The following EFR3B variants were observed in gnomAD, a reference collection of about 807,000 sequenced individuals.
The protein encoded by EFR3B is protein EFR3 homolog B.
A neutral mutation model predicts 104.7 loss-of-function variants in EFR3B; 64 were observed. The ratio of observed to expected loss-of-function variants is 0.61; its 90% CI spans 0.50 to 0.75. EFR3B has a LOEUF of 0.75. EFR3B is among the 30% of genes least tolerant of loss of function. EFR3B has a pLI of 0.00. For synonymous variants in EFR3B, 385 were observed against 417.9 expected (o/e 0.92, Z 0.96); for missense variants, 750 against 1,078.5 (o/e 0.70, Z 4.27).
Position 25,131,559 on chromosome 2 carries a change from T to C in EFR3B, c.985+56T>C. On this transcript the variant is annotated intron_variant, in intron 9 of 22. Transcript: ENST00000403714. The surrounding 1 kb of genome is among the most constrained non-coding windows in gnomAD (Gnocchi z 7.6). ...GGGACCCCGCGGAGGCTGCCGCCTC[T>C]TACAGAGAGAGGCAAGGGACAACAG... The C allele has an allele frequency of 6.5e-7, 1 of 1,541,528 alleles. No homozygotes were observed. The highest frequency in any genetic ancestry group is 1.2e-5 in the South Asian group (1 of 83,652).
intron 12 of EFR3B, among the ~76,000 whole-genome samples, chr2:25,134,657 C>T (rs952916214): frequency 1.3e-5 from 2 of 152,130 alleles, no homozygotes; most frequent in South Asian, 4.1e-4. Flanking sequence ...CCCTCCCCTC[C>T]AGTCCACACT....
Position 25,131,215 on chromosome 2 carries a change from G to A in EFR3B, c.850-153G>A, listed in dbSNP as rs1489902546. On this transcript the variant is annotated intron_variant, in intron 8 of 22. Transcript: ENST00000403714. This position sits in a 1 kb window ranked among gnomAD's most constrained non-coding sequence, Gnocchi z 7.6. Reference sequence around the variant, plus strand: ...GTTGGAGGGAGAAGGGAAGGATCCAGTAAAGGGCACGAGGTGTCAGTGCCA... The same window carrying A: ...GTTGGAGGGAGAAGGGAAGGATCCAATAAAGGGCACGAGGTGTCAGTGCCA... Among the ~76,000 whole-genome samples, 1 of 152,246 alleles carries A rather than the reference G, an allele frequency of 6.6e-6. No individual in the cohort carries two copies. The highest frequency in any genetic ancestry group is 1.5e-5 in the Non-Finnish European group (1 of 68,042).
Position 25,157,869 on chromosome 2 carries a change from A to C in EFR3B, c.*3529A>C, listed in dbSNP as rs1476319703. The C allele has an allele frequency of 6.6e-6, 1 of 152,328 alleles. No individual in the cohort carries two copies. The highest frequency in any genetic ancestry group is 1.5e-5 in the Non-Finnish European group (1 of 68,164). 9.4% of individuals were successfully genotyped at this position (152,328 alleles called of 1,614,324 possible). On this transcript the variant is annotated 3_prime_UTR_variant, in exon 23 of 23. Transcript: ENST00000403714. The stretch of plus-strand genomic sequence containing the variant: ...GCCTCCTCACTATAGAAGGAGCCTG[A>C]GCAGGTCAGAAGAACTAGAAAAGTC...
At chr2:25,053,968 A>G (rs2149165416) in intron 1 of EFR3B, among the ~76,000 whole-genome samples, 1 of 152,286 alleles carries the variant, frequency 6.6e-6, no homozygotes, top group African/African-American at 2.4e-5. Flanking sequence ...CTTCAGGTCT[A>G]AGCAGCAATT....
chr2:25,123,388 G>T (rs1199737884), intron 5 of EFR3B, among the ~76,000 whole-genome samples: 2 of 151,432 alleles, frequency 1.3e-5, no homozygotes, highest in African/African-American at 2.4e-5. Context: ...TAATCACAAA[G>T]AAATTAAAAT....
At chr2:25,061,350 T>C (rs1018740288) in intron 1 of EFR3B, among the ~76,000 whole-genome samples, 4 of 151,854 alleles carry the variant, frequency 2.6e-5, no homozygotes, top group African/African-American at 9.7e-5. Context: ...TGAGCTCAAG[T>C]GATCCCCCTG....
intron 1 of EFR3B, among the ~76,000 whole-genome samples, chr2:25,054,558 T>G (rs995535665): frequency 6.6e-6 from 1 of 152,152 alleles, no homozygotes; most frequent in Non-Finnish European, 1.5e-5. Flanking sequence ...TCTCAGGTGA[T>G]CCGCCTGCCA....
intron 12 of EFR3B, among the ~76,000 whole-genome samples, chr2:25,134,921 T>C (rs1389617351): frequency 1.3e-5 from 2 of 152,256 alleles, no homozygotes; most frequent in East Asian, 3.8e-4. Context: ...ACAGCATGTA[T>C]GGCATATCTA....
chr2:25,115,711 T>C (rs1376116697), intron 4 of EFR3B, among the ~76,000 whole-genome samples: 2 of 152,190 alleles, frequency 1.3e-5, no homozygotes, highest in East Asian at 1.9e-4. Context: ...TTATTAGAGA[T>C]AAGCAGAGGG....
chr2:25,145,206 G>A (rs1477064246), intron 19 of EFR3B, 155 bp downstream of exon 19: 8 of 668,464 alleles, frequency 1.2e-5, no homozygotes, highest in East Asian at 2.7e-5. Context: ...CCACGTATGC[G>A]TCATAGATAC....
At chr2:25,129,355 GT>G (rs1259737178) in intron 6 of EFR3B, among the ~76,000 whole-genome samples, 5,268 of 95,424 alleles carry the variant, frequency 0.055, 309 homozygotes, top group African/African-American at 0.2. Context: ...GGGGCGGGGC[GT>G]GGGGTGGGGC....
chr2:25,042,136 G>T lies in EFR3B; in HGVS notation c.-177G>T. On this transcript the variant is annotated 5_prime_UTR_variant, in exon 1 of 23. Coordinates refer to ENST00000403714, the MANE Select transcript of EFR3B (RefSeq NM_014971.2). The surrounding 1 kb of genome is among the most constrained non-coding windows in gnomAD (Gnocchi z 5.4). ...GCAGCCCGGCGCTGAATGGGCTGGC[G>T]GCGCCCGGCTCCGTCCTGCCCGCGG... 2.0e-6 allele frequency: 1 copy of T among 488,254 alleles called. No individual in the cohort carries two copies. Among genetic ancestry groups the T allele is most frequent in the Non-Finnish European group, 3.1e-6 (1 of 326,466 alleles). 30.2% of individuals were successfully genotyped at this position (488,254 alleles called of 1,614,324 possible).
chr2:25,095,799 T>G (rs1669259794), intron 3 of EFR3B, among the ~76,000 whole-genome samples: 1 of 152,228 alleles, frequency 6.6e-6, no homozygotes, highest in Admixed American at 6.5e-5. Flanking sequence ...ATCTATTTTT[T>G]CTACGTTTTT....
At chr2:25,057,953 A>G (rs1558583854) in intron 1 of EFR3B, 1 of 152,220 alleles carries the variant, frequency 6.6e-6, no homozygotes, top group Non-Finnish European at 1.5e-5. Context: ...AAGAGCACCT[A>G]TAACTCAACA....
At chr2:25,153,617 G>A in intron 21 of EFR3B, 95 bp from the exon 22 acceptor site, 2 of 1,286,346 alleles carry the variant, frequency 1.6e-6, no homozygotes, top group Non-Finnish European at 2.2e-6. Flanking sequence ...TGGCTGCCCT[G>A]TACCTCCAGC....
At position 25,062,064 on chromosome 2, in the gene EFR3B, CGTGTA is replaced by C. The variant is rs1272070847; in HGVS notation, c.7+19749_7+19753del. The stretch of plus-strand genomic sequence containing the variant: ...AAAACATTTTGTATTTTCTACACTT[CGTGTA>C]GTGAGTGCGTATTTTTAATTTTTAA... On this transcript the variant is annotated intron_variant, in intron 1 of 22. Coordinates refer to ENST00000403714, the MANE Select transcript of EFR3B (RefSeq NM_014971.2). 3.3e-5 allele frequency among the ~76,000 whole-genome samples: 5 copies of C among 152,184 alleles called. No individual in the cohort carries two copies. The East Asian group carries it at 7.7e-4, about 23-fold the overall frequency.
Position 25,136,058 on chromosome 2 carries a change from T to C in EFR3B, c.1484+419T>C, listed in dbSNP as rs900710462. On this transcript the variant is annotated intron_variant, in intron 13 of 22. Coordinates refer to ENST00000403714, the MANE Select transcript of EFR3B (RefSeq NM_014971.2). The surrounding 1 kb of genome is among the most constrained non-coding windows in gnomAD (Gnocchi z 4.0). ...GGGGGTCAGGGCGGTGGCTCGTGCC[T>C]GTAATCTCACACTTTGAGAGGCCAA... 2.6e-5 allele frequency among the ~76,000 whole-genome samples: 4 copies of C among 152,166 alleles called. No individual in the cohort carries two copies. The highest frequency in any genetic ancestry group is 7.2e-5 in the African/African-American group (3 of 41,452).
chr2:25,071,024 G>T (rs575656286), intron 1 of EFR3B, among the ~76,000 whole-genome samples: 2 of 152,108 alleles, frequency 1.3e-5, no homozygotes, highest in East Asian at 3.9e-4. Context: ...GCACTGGTGC[G>T]ATCTGGGCTC....
At chr2:25,116,253 C>A (rs1669855720) in intron 4 of EFR3B, 1 of 152,240 alleles carries the variant, frequency 6.6e-6, no homozygotes, top group African/African-American at 2.4e-5. Flanking sequence ...GTTCCTGTTA[C>A]TCCAGGAGCT....
Sources: allele counts gnomAD v4.1 joint callset (sites outside exome capture counted in the v4.1 genomes callset), GRCh38; gene constraint gnomAD v4.1.1; non-coding constraint Gnocchi (gnomAD v3.1); transcripts MANE v1.5; gene names NCBI Gene and HGNC (gene_info 2026-07-23, HGNC 2026-07-21).